Variants in EHD4 observed in about 807,000 individuals in gnomAD.
EHD4 encodes EH domain-containing protein 4.
In EHD4, 37 loss-of-function variants were observed where a neutral mutation model predicts 51.0. The observed-to-expected ratio is 0.73, with a 90% CI of 0.56 to 0.95. The LOEUF (loss-of-function observed/expected upper bound fraction) is 0.95, where lower values mean the gene tolerates loss of function less well. Ranked by LOEUF, EHD4 falls within the 40% of genes least tolerant of loss-of-function variation. The pLI, the probability that EHD4 is intolerant of heterozygous loss-of-function variation, is 0.00. For synonymous variants in EHD4, 297 were observed against 317.3 expected (o/e 0.94, Z 0.68); for missense variants, 632 against 733.1 (o/e 0.86, Z 1.59).
intron 3 of EHD4, among the ~76,000 whole-genome samples, chr15:41,938,738 C>A (rs1185450976): frequency 6.6e-6 from 1 of 152,168 alleles, no homozygotes; most frequent in African/African-American, 2.4e-5. Flanking sequence ...TTGAAGGCTA[C>A]GCAAAACCTC....
chr15:41,968,126 A>G (rs1804268600), intron 1 of EHD4, among the ~76,000 whole-genome samples: 3 of 152,084 alleles, frequency 2.0e-5, no homozygotes, highest in Admixed American at 2.0e-4. Flanking sequence ...ATCATACCTT[A>G]AAAGGCTTTT....
chr15:41,933,748 TA>T (rs1164672901), intron 3 of EHD4, among the ~76,000 whole-genome samples: 1 of 152,210 alleles, frequency 6.6e-6, no homozygotes, highest in African/African-American at 2.4e-5. Flanking sequence ...GGAAGGTTAT[TA>T]AACGTTTCAA....
chr15:41,942,831 C>T (rs868433899), intron 3 of EHD4: 1 of 308,310 alleles, frequency 3.2e-6, no homozygotes, highest in Non-Finnish European at 5.6e-6. Flanking sequence ...TACCCCACTC[C>T]TCATCTTCAT....
chr15:41,944,441 G>A (rs948163019), intron 2 of EHD4, among the ~76,000 whole-genome samples: 7 of 152,160 alleles, frequency 4.6e-5, no homozygotes, highest in African/African-American at 1.2e-4. Context: ...TCTTCCGTAC[G>A]ATGGAAGTGG....
intron 1 of EHD4, among the ~76,000 whole-genome samples, chr15:41,954,490 G>A (rs2067873807): frequency 6.6e-6 from 1 of 152,182 alleles, no homozygotes; most frequent in South Asian, 2.1e-4. Context: ...TGATTCTAAT[G>A]TAAGCCCACA....
intron 1 of EHD4, among the ~76,000 whole-genome samples, chr15:41,965,563 T>C (rs1447067072): frequency 6.6e-6 from 1 of 152,166 alleles, no homozygotes; most frequent in Non-Finnish European, 1.5e-5. Context: ...CTGTGAGAGA[T>C]GGTTTAGAAA....
At position 41,932,679 on chromosome 15, in the gene EHD4, G is replaced by T. The variant is rs535885289; in HGVS notation, c.511+10388C>A. Among the ~76,000 whole-genome samples, 4 of 152,276 alleles carry T rather than the reference G, an allele frequency of 2.6e-5. No homozygotes were observed. The South Asian group carries it at 8.3e-4, about 32-fold the overall frequency. ...AGCCGGGCCCCTCAGCCACACCCGG[G>T]AACACTGCTCCCGGGTCATTCTCTT... On this transcript the variant is annotated intron_variant, in intron 3 of 5. Transcript: ENST00000220325.
rs1595527754 is a variant in EHD4 at position 41,900,677 on chromosome 15, A to AG, written c.1593dup (p.Ser532LeufsTer53). 2 of 1,601,706 alleles carry AG rather than the reference A, an allele frequency of 1.2e-6. No individual in the cohort carries two copies. Among genetic ancestry groups the AG allele is most frequent in the East Asian group, 2.2e-5 (1 of 44,796 alleles). Reference sequence around the variant, plus strand: ...GCCTTGGGCAGGGACTTCCTGTGCGAGGGGGGCACGAGGTGGGGGGGCAGG... The same window carrying AG: ...GCCTTGGGCAGGGACTTCCTGTGCGAGGGGGGGCACGAGGTGGGGGGGCAGG... On this transcript the variant is annotated frameshift_variant, in exon 6 of 6. Coordinates refer to ENST00000220325, the MANE Select transcript of EHD4 (RefSeq NM_139265.4). LOFTEE classifies it high-confidence loss of function. The surrounding 1 kb of genome is among the most constrained non-coding windows in gnomAD (Gnocchi z 4.8).
chr15:41,942,114 C>T (rs973663038), intron 3 of EHD4: 3 of 152,264 alleles, frequency 2.0e-5, no homozygotes, highest in African/African-American at 7.2e-5. Context: ...GCCTCTGGAC[C>T]TGTGATGGCA....
rs957069018 is a variant in EHD4, at chr15:41,898,199, C to T, written c.*2446G>A. 6.6e-6 allele frequency: 1 copy of T among 152,142 alleles called. No homozygotes were observed. The highest frequency in any genetic ancestry group is 2.4e-5 in the African/African-American group (1 of 41,430). 9.4% of individuals were successfully genotyped at this position (152,142 alleles called of 1,614,324 possible). On this transcript the variant is annotated 3_prime_UTR_variant, in exon 6 of 6. Transcript: ENST00000220325. ...CCAGGTGCCAGCAGGGAAAGGACTC[C>T]GCTGCCTGACGCCTCTCCCACCTGA...
intron 4 of EHD4, among the ~76,000 whole-genome samples, chr15:41,911,507 G>A (rs2067549098): frequency 6.6e-6 from 1 of 152,210 alleles, no homozygotes; most frequent in African/African-American, 2.4e-5. Flanking sequence ...GGCCAGGGCT[G>A]AGGGAGCACC....
chr15:41,962,855 G>A (rs2067934804), intron 1 of EHD4, among the ~76,000 whole-genome samples: 1 of 152,198 alleles, frequency 6.6e-6, no homozygotes, highest in Non-Finnish European at 1.5e-5. Flanking sequence ...AATAGAAAAG[G>A]GGGAAATGTG....
Position 41,918,905 on chromosome 15 carries a change from G to A in EHD4, c.924+305C>T, listed in dbSNP as rs1236507691. Among the ~76,000 whole-genome samples, 9 of 152,280 alleles carry A rather than the reference G, an allele frequency of 5.9e-5. No homozygotes were observed. The East Asian group carries it at 1.7e-3, about 29-fold the overall frequency. Reference sequence around the variant, plus strand: ...GGTGCACTGATTGATCCCCCTCCCTGTGCACCAGGCACTATGCCAAGTGCT... The same window carrying A: ...GGTGCACTGATTGATCCCCCTCCCTATGCACCAGGCACTATGCCAAGTGCT... On this transcript the variant is annotated intron_variant, in intron 4 of 5. Coordinates refer to ENST00000220325, the MANE Select transcript of EHD4 (RefSeq NM_139265.4).
chr15:41,915,411 T>C (rs1416721847), intron 4 of EHD4, among the ~76,000 whole-genome samples: 9 of 152,224 alleles, frequency 5.9e-5, no homozygotes, highest in Non-Finnish European at 1.0e-4. Flanking sequence ...GCACATCACA[T>C]GTGACTGAGA....
intron 1 of EHD4, among the ~76,000 whole-genome samples, chr15:41,955,021 C>T (rs752216541): frequency 5.3e-5 from 8 of 152,158 alleles, no homozygotes; most frequent in Admixed American, 2.6e-4. Context: ...AAAGTTTCTA[C>T]GTTTCTGTGA....
At chr15:41,918,615 A>T (rs1566818518) in intron 4 of EHD4, among the ~76,000 whole-genome samples, 1 of 152,232 alleles carries the variant, frequency 6.6e-6, no homozygotes, top group Non-Finnish European at 1.5e-5. Flanking sequence ...GAGGCAGGCG[A>T]GCCAGGAGCC....
At chr15:41,933,246 C>A (rs1433938584) in intron 3 of EHD4, among the ~76,000 whole-genome samples, 1 of 152,152 alleles carries the variant, frequency 6.6e-6, no homozygotes, top group African/African-American at 2.4e-5. Flanking sequence ...GGTCGAGATG[C>A]CTGCCTGCCT....
At chr15:41,954,975 C>T (rs1457299591) in intron 1 of EHD4, among the ~76,000 whole-genome samples, 2 of 152,206 alleles carry the variant, frequency 1.3e-5, no homozygotes, top group Non-Finnish European at 2.9e-5. Context: ...TATTCTAAAC[C>T]TTTAATTGAT....
At position 41,900,825 on chromosome 15, in the gene EHD4, G is replaced by A. The variant is rs151333065; in HGVS notation, c.1446C>T (p.Ser482=). Reference sequence around the variant, plus strand: ...CCAGCTTCCAGATCTTGCCCAGGACGCTGTTGGGCAGCTTGGAGGTCACCA... The same window carrying A: ...CCAGCTTCCAGATCTTGCCCAGGACACTGTTGGGCAGCTTGGAGGTCACCA... ...KEMVTSKLPN[S]VLGKIWKLAD... is the part of the protein sequence containing the mutation. Residue 482 remains serine, a synonymous_variant, in exon 6 of 6, where the codon AGC becomes AGT. Coordinates refer to ENST00000220325, the MANE Select transcript of EHD4 (RefSeq NM_139265.4). This position sits in a 1 kb window ranked among gnomAD's most constrained non-coding sequence, Gnocchi z 4.8. The A allele has an allele frequency of 1.5e-3, 2,479 of 1,614,056 alleles. 6 individuals are homozygous for A. The highest frequency in any genetic ancestry group is 2.0e-3 in the Non-Finnish European group (2,311 of 1,180,050).
Sources: allele counts gnomAD v4.1 joint callset (sites outside exome capture counted in the v4.1 genomes callset), GRCh38; gene constraint gnomAD v4.1.1; non-coding constraint Gnocchi (gnomAD v3.1); transcripts MANE v1.5; gene names NCBI Gene and HGNC (gene_info 2026-07-23, HGNC 2026-07-21).